The following SPIN1 variants were observed in gnomAD, a reference collection of about 807,000 sequenced individuals.
SPIN1 encodes spindlin-1.
SPIN1 carries 3 observed loss-of-function variants against 26.0 expected under a neutral mutation model. The observed-to-expected ratio is 0.12, with a 90% CI of 0.05 to 0.30. The LOEUF (loss-of-function observed/expected upper bound fraction) is 0.30, where lower values mean the gene tolerates loss of function less well. Among genes scored for constraint, SPIN1 ranks in the 10% least tolerant of loss-of-function variants. The probability of loss-of-function intolerance (pLI) is 1.00; values close to 1 mark genes in which losing one functional copy is unlikely to be tolerated. For missense variants in SPIN1, 126 were observed against 333.4 expected (o/e 0.38, Z 4.84); for synonymous variants, 101 against 116.5 (o/e 0.87, Z 0.86).
intron 1 of SPIN1, chr9:88,410,837 T>C: frequency 2.2e-6 from 2 of 920,978 alleles, no homozygotes; most frequent in Non-Finnish European, 1.8e-6. Context: ...TCATTCCCAC[T>C]GAAACCACCT....
At position 88,447,307 on chromosome 9, in the gene SPIN1, C is replaced by T. The variant is rs558650536; in HGVS notation, c.53-1634C>T. Among the ~76,000 whole-genome samples the T allele has an allele frequency of 1.7e-4, 26 of 152,158 alleles. 1 individual carries two copies. The South Asian group carries it at 2.3e-3, about 13-fold the overall frequency. On this transcript the variant is annotated intron_variant, in intron 2 of 5. Coordinates refer to ENST00000375859, the MANE Select transcript of SPIN1 (RefSeq NM_006717.3). ...ATTTTAACATATTTATTAATGTTGT[C>T]AATGTCCTTACCTGCTAAGTACTTT...
At chr9:88,415,290 C>T (rs1032365023) in intron 1 of SPIN1, among the ~76,000 whole-genome samples, 2 of 152,068 alleles carry the variant, frequency 1.3e-5, no homozygotes, top group South Asian at 2.1e-4. Context: ...TTGCCAGGAT[C>T]CTTAAGTAGC....
At chr9:88,451,273 A>G (rs1828347266) in intron 3 of SPIN1, among the ~76,000 whole-genome samples, 1 of 152,136 alleles carries the variant, frequency 6.6e-6, no homozygotes. Context: ...TGCCCGAGAA[A>G]GAACCTCTGG....
chr9:88,463,816 A>G (rs1587814393), intron 4 of SPIN1, among the ~76,000 whole-genome samples: 1 of 152,174 alleles, frequency 6.6e-6, no homozygotes, highest in Admixed American at 6.5e-5. Context: ...ATTCTCATCT[A>G]TTCTTAAGTG....
In SPIN1 at chr9:88,473,440, A is replaced by T. The variant is rs140182189; in HGVS notation, c.590-1638A>T. ...TACATTTGTTATAAAGGGGTAATGC[A>T]ACTTACATACTCAGGAATTTGTCAT... is the stretch of plus-strand genomic sequence containing the variant. On this transcript the variant is annotated intron_variant, in intron 5 of 5. Coordinates refer to ENST00000375859, the MANE Select transcript of SPIN1 (RefSeq NM_006717.3). Among the ~76,000 whole-genome samples, 779 of 152,272 alleles carry T rather than the reference A, an allele frequency of 5.1e-3. 7 individuals are homozygous for T. Among genetic ancestry groups the T allele is most frequent in the African/African-American group, 0.017 (710 of 41,556 alleles).
rs530981576 is a variant in SPIN1, at chr9:88,468,580, C to T, written c.564C>T (p.Gly188=). The T allele has an allele frequency of 9.7e-5, 151 of 1,563,612 alleles. No individual in the cohort carries two copies. Among genetic ancestry groups the T allele is most frequent in the Non-Finnish European group, 1.2e-4 (141 of 1,156,166 alleles). Residue 188 remains glycine, a synonymous_variant, in exon 5 of 6, where the codon GGC becomes GGT. Coordinates refer to ENST00000375859, the MANE Select transcript of SPIN1 (RefSeq NM_006717.3). The stretch of plus-strand genomic sequence containing the variant: ...AACTCTTAGATGATTACAAAGAAGG[C>T]GACCTTCGCATTATGCCTGATTCCA... ...MYQLLDDYKE[G]DLRIMPDSND... is the part of the protein sequence containing the mutation.
intron 5 of SPIN1, among the ~76,000 whole-genome samples, chr9:88,471,073 G>T (rs1828773622): frequency 3.9e-5 from 6 of 152,240 alleles, no homozygotes; most frequent in South Asian, 2.1e-4. Context: ...CTTTCTTGAT[G>T]ATGATCTTTG....
chr9:88,401,010 T>C (rs906576378), intron 1 of SPIN1, among the ~76,000 whole-genome samples: 1 of 152,136 alleles, frequency 6.6e-6, no homozygotes, highest in African/African-American at 2.4e-5. Flanking sequence ...GAGATTCTAA[T>C]AAAATATTAG....
intron 2 of SPIN1, among the ~76,000 whole-genome samples, chr9:88,426,850 A>G (rs1161742681): frequency 6.6e-6 from 1 of 152,190 alleles, no homozygotes; most frequent in Non-Finnish European, 1.5e-5. Context: ...ATCTGTTAAT[A>G]GGATTATAGT....
intron 3 of SPIN1, among the ~76,000 whole-genome samples, chr9:88,452,176 G>A (rs1828367824): frequency 6.6e-6 from 1 of 152,126 alleles, no homozygotes; most frequent in African/African-American, 2.4e-5. Flanking sequence ...CTTGTCCCTA[G>A]TGTGTTCTCA....
At chr9:88,409,933 G>A (rs1039060620) in intron 1 of SPIN1, among the ~76,000 whole-genome samples, 12 of 151,614 alleles carry the variant, frequency 7.9e-5, no homozygotes, top group African/African-American at 2.4e-5. Context: ...ATTCCAACTC[G>A]AAGGGAGGTG....
At chr9:88,449,481 T>C (rs1828316588) in intron 3 of SPIN1, among the ~76,000 whole-genome samples, 2 of 152,176 alleles carry the variant, frequency 1.3e-5, no homozygotes, top group African/African-American at 4.8e-5. Context: ...GGAAAGCATA[T>C]CCATGTTAAA....
intron 1 of SPIN1, among the ~76,000 whole-genome samples, chr9:88,404,178 T>C (rs1017227419): frequency 6.6e-6 from 1 of 152,190 alleles, no homozygotes; most frequent in Non-Finnish European, 1.5e-5. Context: ...GCACTTACCA[T>C]GAATGGAGCT....
chr9:88,411,478 G>A (rs1827441080), intron 1 of SPIN1: 1 of 1,031,794 alleles, frequency 9.7e-7, no homozygotes, highest in Non-Finnish European at 1.5e-6. Context: ...GCATGGAGAA[G>A]AGAGACTTTA....
chr9:88,440,019 A>T (rs991630199), intron 2 of SPIN1, among the ~76,000 whole-genome samples: 1 of 152,018 alleles, frequency 6.6e-6, no homozygotes, highest in South Asian at 2.1e-4. Context: ...TGTTACTATT[A>T]TCTGTTCTTT....
chr9:88,407,816 A>AGTT (rs1001766281), intron 1 of SPIN1, among the ~76,000 whole-genome samples: 3 of 147,376 alleles, frequency 2.0e-5, no homozygotes, highest in African/African-American at 7.6e-5. Context: ...GCTGGAGTGC[A>AGTT]GTTGTATGAT....
chr9:88,440,425 C>G (rs1227316293), intron 2 of SPIN1, among the ~76,000 whole-genome samples: 4 of 152,246 alleles, frequency 2.6e-5, no homozygotes, highest in African/African-American at 4.8e-5. Flanking sequence ...TCCCAAAGTG[C>G]TGGGATTACG....
At chr9:88,416,435 C>T (rs1028525775) in intron 1 of SPIN1, among the ~76,000 whole-genome samples, 1 of 152,012 alleles carries the variant, frequency 6.6e-6, no homozygotes. Context: ...ATGGGATCCT[C>T]CCACCTCAGC....
intron 1 of SPIN1, among the ~76,000 whole-genome samples, chr9:88,400,177 G>A (rs1011216834): frequency 3.9e-5 from 6 of 152,146 alleles, no homozygotes; most frequent in African/African-American, 1.4e-4. Flanking sequence ...CTTTCTTGTA[G>A]ATCTGTGGCT....
Sources: allele counts gnomAD v4.1 joint callset (sites outside exome capture counted in the v4.1 genomes callset), GRCh38; gene constraint gnomAD v4.1.1; transcripts MANE v1.5; gene names NCBI Gene and HGNC (gene_info 2026-07-23, HGNC 2026-07-21).